ZFHX3: variants seen among roughly 807,000 people sequenced by gnomAD.
ZFHX3 encodes the protein zinc finger homeobox 3.
In ZFHX3, 42 loss-of-function variants were observed where a neutral mutation model predicts 279.1. That is an observed-to-expected ratio of 0.15 (90% CI 0.12 to 0.19). The LOEUF (loss-of-function observed/expected upper bound fraction) is 0.19, where lower values mean the gene tolerates loss of function less well. Ranked by LOEUF, ZFHX3 falls within the 10% of genes least tolerant of loss-of-function variation. The pLI is 1.00. For synonymous variants in ZFHX3, 2,293 were observed against 1,957.8 expected, an observed-to-expected ratio of 1.17 and a Z score of -4.52; for missense variants, 4,981 against 4,754.0, an observed-to-expected ratio of 1.05 and a Z score of -1.40.
rs1450590859 is a variant in ZFHX3 at position 73,520,872 on chromosome 16, T to C, written c.-1546-64614A>G. ...GAGAAAAAAAGGACAGAGATCATTC[T>C]ACACCAAAGTGATACTGATAATATG... On this transcript the variant is annotated intron_variant, in intron 2 of 17. Coordinates refer to the ZFHX3 transcript ENST00000641206. Among the ~76,000 whole-genome samples the C allele has an allele frequency of 3.3e-5, 5 of 152,240 alleles. No homozygotes were observed. In the South Asian group the frequency reaches 6.2e-4, roughly 19 times the overall value.
At position 73,606,542 on chromosome 16, in the gene ZFHX3, AC is replaced by A. The variant is rs536358738; in HGVS notation, c.-1547+73637del. On this transcript the variant is annotated intron_variant, in intron 2 of 17. Coordinates refer to the ZFHX3 transcript ENST00000641206. ...TGGTCCTAGGGCCTCAGTGTATGGA[AC>A]CCCAGCTCAGTGTCACTTTAATGTA... Among the ~76,000 whole-genome samples the A allele has an allele frequency of 1.4e-3, 212 of 151,728 alleles. 1 individual carries two copies. Among genetic ancestry groups the A allele is most frequent in the South Asian group, 2.7e-3 (13 of 4,790 alleles).
chr16:73,169,681 G>A (rs945178845), intron 5 of ZFHX3, among the ~76,000 whole-genome samples: 18 of 150,694 alleles, frequency 1.2e-4, no homozygotes, highest in Admixed American at 2.0e-4. Context: ...AAAAAAAAAA[G>A]TAACTAGTGA....
intron 5 of ZFHX3, among the ~76,000 whole-genome samples, chr16:73,247,133 G>A (rs772282681): frequency 6.6e-6 from 1 of 152,002 alleles, no homozygotes; most frequent in African/African-American, 2.4e-5. Flanking sequence ...TGTATGTGGA[G>A]TGTGTGTGTA....
In ZFHX3 at chr16:73,764,510, G is replaced by C. The variant is rs16972524; in HGVS notation, c.-1607-84270C>G. Reference sequence around the variant, plus strand: ...GAGAATTCATAGTGATCTTATTGCAGATGTAAAATTAGGTCAGCGGCTCTG... The same window carrying C: ...GAGAATTCATAGTGATCTTATTGCACATGTAAAATTAGGTCAGCGGCTCTG... On this transcript the variant is annotated intron_variant, in intron 1 of 17. Coordinates refer to the ZFHX3 transcript ENST00000641206. 5.4e-3 allele frequency among the ~76,000 whole-genome samples: 829 copies of C among 152,236 alleles called. 10 individuals carry two copies. Among genetic ancestry groups the C allele is most frequent in the African/African-American group, 0.019 (802 of 41,538 alleles).
At chr16:73,454,374 A>G (rs1424283699) in intron 3 of ZFHX3, among the ~76,000 whole-genome samples, 1 of 152,182 alleles carries the variant, frequency 6.6e-6, no homozygotes, top group Non-Finnish European at 1.5e-5. Context: ...TAGACTCGAC[A>G]GACTTAGTGG....
intron 1 of ZFHX3, among the ~76,000 whole-genome samples, chr16:73,812,455 T>C (rs1960452479): frequency 6.6e-6 from 1 of 152,218 alleles, no homozygotes; most frequent in Non-Finnish European, 1.5e-5. Flanking sequence ...TCTTGCAAAC[T>C]GACTGCATTC....
chr16:73,705,710 C>A lies in ZFHX3; in HGVS notation c.-1607-25470G>T, dbSNP rs149386702. The stretch of plus-strand genomic sequence containing the variant: ...TTGAGTGTGATCCAAACAATTCCAT[C>A]CACTCTCTTCTCTCCACTCCACAAA... On this transcript the variant is annotated intron_variant, in intron 1 of 17. Coordinates refer to the ZFHX3 transcript ENST00000641206. Among the ~76,000 whole-genome samples the A allele has an allele frequency of 9.9e-5, 15 of 152,256 alleles. No homozygotes were observed. The East Asian group carries it at 2.9e-3, about 29-fold the overall frequency.
intron 1 of ZFHX3, among the ~76,000 whole-genome samples, chr16:72,983,827 C>A (rs1302470536): frequency 6.6e-6 from 1 of 152,208 alleles, no homozygotes; most frequent in African/African-American, 2.4e-5. Flanking sequence ...CTCACCAGCA[C>A]AGGTCTAACT....
intron 2 of ZFHX3, among the ~76,000 whole-genome samples, chr16:73,580,476 C>CA (rs2051848612): frequency 1.6e-5 from 2 of 128,230 alleles, no homozygotes; most frequent in South Asian, 2.6e-4. Context: ...GACTCCGTCT[C>CA]AAAAAAACAA....
chr16:73,385,482 A>G (rs958280099), intron 3 of ZFHX3, among the ~76,000 whole-genome samples: 9 of 152,134 alleles, frequency 5.9e-5, no homozygotes, highest in African/African-American at 1.4e-4. Context: ...GGCAGCTCCA[A>G]TCTCTCCAAC....
chr16:73,726,260 T>C (rs1022826434), intron 1 of ZFHX3, among the ~76,000 whole-genome samples: 1 of 151,278 alleles, frequency 6.6e-6, no homozygotes, highest in African/African-American at 2.5e-5. Flanking sequence ...TGAGGGTAAA[T>C]GTGTAACAAA....
chr16:72,868,027 T>G (rs990836741), intron 4 of ZFHX3, among the ~76,000 whole-genome samples: 1 of 152,216 alleles, frequency 6.6e-6, no homozygotes, highest in Non-Finnish European at 1.5e-5. Flanking sequence ...AAAAGTAATG[T>G]AAGACATGAT....
rs16972680 is a variant in ZFHX3, at chr16:73,838,496, T to C, written c.-1608+53155A>G. Among the ~76,000 whole-genome samples the C allele has an allele frequency of 0.011, 1,658 of 152,284 alleles. 116 individuals are homozygous for C. The East Asian group carries it at 0.18, about 17-fold the overall frequency. On this transcript the variant is annotated intron_variant, in intron 1 of 17. Coordinates refer to the ZFHX3 transcript ENST00000641206. Reference sequence around the variant, plus strand: ...ATGAGGTTTGAATAAGGTCCAGCACTTGGAGAACTTCAATGAATACTAATA... The same window carrying C: ...ATGAGGTTTGAATAAGGTCCAGCACCTGGAGAACTTCAATGAATACTAATA...
chr16:73,342,374 G>T (rs2016048833), intron 3 of ZFHX3, among the ~76,000 whole-genome samples: 1 of 152,134 alleles, frequency 6.6e-6, no homozygotes, highest in African/African-American at 2.4e-5. Context: ...TATTCACATG[G>T]CTACATACTG....
At chr16:72,851,258 C>T (rs903887185) in intron 4 of ZFHX3, among the ~76,000 whole-genome samples, 8 of 152,004 alleles carry the variant, frequency 5.3e-5, no homozygotes, top group South Asian at 2.1e-4. Context: ...CAAGAGGCCT[C>T]CAAGGGGAGG....
At chr16:73,516,346 TGCATACA>T (rs1449650928) in intron 2 of ZFHX3, among the ~76,000 whole-genome samples, 2 of 152,182 alleles carry the variant, frequency 1.3e-5, no homozygotes, top group East Asian at 3.8e-4. Context: ...TGTGTGTGCA[TGCATACA>T]CGTGTATGTT....
intron 4 of ZFHX3, among the ~76,000 whole-genome samples, chr16:73,309,906 C>CTTTTTTTTTTT (rs57812149): frequency 8.7e-6 from 1 of 114,404 alleles, no homozygotes; most frequent in African/African-American, 3.2e-5. Context: ...TTTTTCTTGC[C>CTTTTTTTTTTT]TTTTTTTTTT....
intron 2 of ZFHX3, chr16:73,486,926 A>G (rs866665568): frequency 1.1e-5 from 5 of 447,446 alleles, no homozygotes; most frequent in Middle Eastern, 3.3e-4. Flanking sequence ...TTTCCACTGT[A>G]AGGCCAAGGC....
chr16:73,874,972 A>G (rs1285038665), intron 1 of ZFHX3, among the ~76,000 whole-genome samples: 1 of 152,218 alleles, frequency 6.6e-6, no homozygotes, highest in African/African-American at 2.4e-5. Flanking sequence ...AGGCAGTTGT[A>G]TATTCACTAC....
Sources: allele counts gnomAD v4.1 joint callset (sites outside exome capture counted in the v4.1 genomes callset), GRCh38; gene constraint gnomAD v4.1.1; transcripts MANE v1.5; gene names NCBI Gene and HGNC (gene_info 2026-07-23, HGNC 2026-07-21).